The following MED26 variants were observed in gnomAD, a reference collection of about 807,000 sequenced individuals.
MED26 encodes the protein mediator complex subunit 26, also known as mediator of RNA polymerase II transcription subunit 26.
Under a neutral mutation model 43.7 loss-of-function variants are expected in MED26, and 7 were observed. The observed-to-expected ratio is 0.16, with a 90% CI of 0.09 to 0.30. The LOEUF (loss-of-function observed/expected upper bound fraction) is 0.30. Ranked by LOEUF, MED26 falls within the 10% of genes least tolerant of loss-of-function variation. MED26 has a pLI of 1.00. For missense variants in MED26, 784 were observed against 840.6 expected (o/e 0.93, Z 0.83); for synonymous variants, 375 against 371.1 (o/e 1.01, Z -0.12).
intron 1 of MED26, chr19:16,597,522 T>C: frequency 2.5e-6 from 1 of 398,432 alleles, no homozygotes; most frequent in Non-Finnish European, 4.4e-6. Flanking sequence ...TGGGTGAGCA[T>C]CAGGTTAAGT....
At chr19:16,606,090 C>T (rs2086171895) in intron 1 of MED26, among the ~76,000 whole-genome samples, 1 of 152,220 alleles carries the variant, frequency 6.6e-6, no homozygotes, top group Non-Finnish European at 1.5e-5. Context: ...GTAGCTCTAC[C>T]TCGCCCTTAG....
chr19:16,622,573 C>T (rs1403006788), intron 1 of MED26, among the ~76,000 whole-genome samples: 5 of 152,198 alleles, frequency 3.3e-5, no homozygotes, highest in African/African-American at 7.2e-5. Context: ...GAGTGAAAAG[C>T]GGCTGTTTTG....
intron 1 of MED26, chr19:16,597,458 A>G: frequency 2.5e-6 from 1 of 398,638 alleles, no homozygotes; most frequent in Non-Finnish European, 4.4e-6. Context: ...CACTTCCTAA[A>G]CAGGTAACAT....
chr19:16,628,023 G>A lies in MED26; in HGVS notation c.-80C>T, dbSNP rs1412740195. 1.1e-6 allele frequency: 1 copy of A among 891,966 alleles called. No homozygotes were observed. Among genetic ancestry groups the A allele is most frequent in the Non-Finnish European group, 1.5e-6 (1 of 652,006 alleles). 55.3% of individuals were successfully genotyped at this position (891,966 alleles called of 1,614,324 possible). On this transcript the variant is annotated 5_prime_UTR_variant, in exon 1 of 3. Transcript: ENST00000263390. Reference sequence around the variant, plus strand: ...GGGGGACGGGGGTCACTCACTCGCCGGCCTCCGGGAGCCGGAGCCGCATGT... The same window carrying A: ...GGGGGACGGGGGTCACTCACTCGCCAGCCTCCGGGAGCCGGAGCCGCATGT...
In MED26 at chr19:16,621,456, C is replaced by T. The variant is rs545627293; in HGVS notation, c.72+6416G>A. On this transcript the variant is annotated intron_variant, in intron 1 of 2. Coordinates refer to ENST00000263390, the MANE Select transcript of MED26 (RefSeq NM_004831.5). ...CTGCATGCAGGGGAAACCTGATGAG[C>T]CCCCTGACGTTTTCCAAGATTCATT... Among the ~76,000 whole-genome samples, 3 of 152,304 alleles carry T rather than the reference C, an allele frequency of 2.0e-5. No homozygotes were observed. The East Asian group carries it at 5.8e-4, about 29-fold the overall frequency.
chr19:16,577,293 G>T lies in MED26; in HGVS notation c.537C>A (p.Pro179=). Reference sequence around the variant, plus strand: ...TCCCACTGATCCCGTTGGTGGGGAGGGGGGATGAGTTGGGGACCAGGGGGT... The same window carrying T: ...TCCCACTGATCCCGTTGGTGGGGAGTGGGGATGAGTTGGGGACCAGGGGGT... ...SHDPLVPNSS[P]LPTNGISGSP... Residue 179 remains proline (P), a synonymous_variant, in exon 3 of 3, where the codon CCC becomes CCA. Transcript: ENST00000263390. The surrounding 1 kb of genome is among the most constrained non-coding windows in gnomAD (Gnocchi z 8.1). 12 of 1,611,838 alleles carry T rather than the reference G, an allele frequency of 7.4e-6. No homozygotes were observed. The highest frequency in any genetic ancestry group is 1.0e-5 in the Non-Finnish European group (12 of 1,178,838).
chr19:16,599,964 G>A (rs1203250947), intron 1 of MED26, among the ~76,000 whole-genome samples: 1 of 152,178 alleles, frequency 6.6e-6, no homozygotes, highest in Non-Finnish European at 1.5e-5. Context: ...AGCCTCAAAA[G>A]TTAGACCTAG....
chr19:16,590,599 A>C (rs1246962597), intron 1 of MED26, among the ~76,000 whole-genome samples: 1 of 152,218 alleles, frequency 6.6e-6, no homozygotes, highest in Non-Finnish European at 1.5e-5. Flanking sequence ...TTCAAATGTT[A>C]TCTGCCTCCC....
At chr19:16,615,629 C>T (rs750679546) in intron 1 of MED26, among the ~76,000 whole-genome samples, 3 of 152,032 alleles carry the variant, frequency 2.0e-5, no homozygotes, top group Non-Finnish European at 4.4e-5. Context: ...GCCTGTAATC[C>T]CAGCAACTTG....
chr19:16,577,577 C>T lies in MED26; in HGVS notation c.253G>A (p.Glu85Lys), dbSNP rs767277361. ...GCCGCCTCATGCTGGTGTGCCGGCT[C>T]GATGAGCTTCTGCCAGCTCCGCAGC... Reference protein sequence around the residue: ...KLLRSWQKLIEPAHQHEAALR... With the variant: ...KLLRSWQKLIKPAHQHEAALR... Residue 85 changes from glutamate to lysine, a missense_variant, in exon 3 of 3, where the codon GAG (glutamate) becomes AAG (lysine). This residue lies in a region of MED26 where 719 missense variants were observed against 730.9 expected (regional missense o/e 0.98). Transcript: ENST00000263390. The surrounding 1 kb of genome is among the most constrained non-coding windows in gnomAD (Gnocchi z 8.1). 3 of 1,609,830 alleles carry T rather than the reference C, an allele frequency of 1.9e-6. No individual in the cohort carries two copies. Among genetic ancestry groups the T allele is most frequent in the Non-Finnish European group, 2.5e-6 (3 of 1,177,080 alleles).
At chr19:16,625,624 GGA>G (rs1484694241) in intron 1 of MED26, among the ~76,000 whole-genome samples, 1 of 152,006 alleles carries the variant, frequency 6.6e-6, no homozygotes, top group African/African-American at 2.4e-5. Flanking sequence ...AGGGCAGAGA[GGA>G]GAGAGCGGCA....
rs202178044 is a variant in MED26 at position 16,577,253 on chromosome 19, C to A, written c.577G>T (p.Ala193Ser). 1.9e-6 allele frequency: 3 copies of A among 1,613,060 alleles called. No homozygotes were observed. Among genetic ancestry groups the A allele is most frequent in the Non-Finnish European group, 8.5e-7 (1 of 1,179,822 alleles). The change falls in exon 3 of 3, where the codon GCC becomes TCC. Residue 193 changes from alanine to serine, a missense_variant. Physicochemically the swap from Ala to Ser is moderately conservative, Grantham distance 99. Transcript: ENST00000263390. The surrounding 1 kb of genome is among the most constrained non-coding windows in gnomAD (Gnocchi z 8.1). Reference protein sequence around the residue: ...NGISGSPESFASSLDGSGHAG... With the variant: ...NGISGSPESFSSSLDGSGHAG... ...TGCCCACTGCCATCCAGGGAGCTGG[C>A]GAAGCTCTCTGGACTCCCACTGATC...
rs1388477926 is a variant in MED26, at chr19:16,602,902, TG to T, written c.73-24494del. ...CAAGATGAAGAGTCCTGGAGACAGA[TG>T]GTGATCATGACCACACAACCATGTG... On this transcript the variant is annotated intron_variant, in intron 1 of 2. Coordinates refer to ENST00000263390, the MANE Select transcript of MED26 (RefSeq NM_004831.5). Among the ~76,000 whole-genome samples, 16 of 152,230 alleles carry T rather than the reference TG, an allele frequency of 1.1e-4. 1 individual carries two copies. The highest frequency in any genetic ancestry group is 9.8e-4 in the Admixed American group (15 of 15,286).
Position 16,586,318 on chromosome 19 carries a change from A to G in MED26, c.73-7909T>C, listed in dbSNP as rs1018468060. ...GGAAGGTAATGGAGGTCCCGGGTAG[A>G]CCACACAGCTAGAAGATGGTGAGGC... On this transcript the variant is annotated intron_variant, in intron 1 of 2. Transcript: ENST00000263390. This position sits in a 1 kb window ranked among gnomAD's most constrained non-coding sequence, Gnocchi z 5.1. Among the ~76,000 whole-genome samples, 1 of 152,192 alleles carries G rather than the reference A, an allele frequency of 6.6e-6. No individual in the cohort carries two copies. The highest frequency in any genetic ancestry group is 2.4e-5 in the African/African-American group (1 of 41,450).
At chr19:16,609,359 C>T (rs1208955398) in intron 1 of MED26, among the ~76,000 whole-genome samples, 1 of 141,422 alleles carries the variant, frequency 7.1e-6, no homozygotes, top group Non-Finnish European at 1.5e-5. Context: ...AGATATTAAC[C>T]AAAGTCATGT....
At chr19:16,608,035 G>A (rs1160305548) in intron 1 of MED26, among the ~76,000 whole-genome samples, 1 of 152,250 alleles carries the variant, frequency 6.6e-6, no homozygotes, top group East Asian at 1.9e-4. Flanking sequence ...AGGCCAAGGG[G>A]CACCAGGGCC....
intron 1 of MED26, among the ~76,000 whole-genome samples, chr19:16,582,624 C>T (rs141398801): frequency 6.6e-6 from 1 of 152,184 alleles, no homozygotes; most frequent in Non-Finnish European, 1.5e-5. Flanking sequence ...TCGTATGTGG[C>T]TGAGGGGAGG....
rs569430251 is a variant in MED26 at position 16,586,342 on chromosome 19, G to A, written c.73-7933C>T. ...GACCACACAGCTAGAAGATGGTGAG[G>A]CCTGGCCTTCCACTAGCCTGACATG... is the stretch of plus-strand genomic sequence containing the variant. On this transcript the variant is annotated intron_variant, in intron 1 of 2. Transcript: ENST00000263390. This position sits in a 1 kb window ranked among gnomAD's most constrained non-coding sequence, Gnocchi z 5.1. 6.6e-6 allele frequency among the ~76,000 whole-genome samples: 1 copy of A among 152,346 alleles called. No individual in the cohort carries two copies. The highest frequency in any genetic ancestry group is 2.1e-4 in the South Asian group (1 of 4,832).
intron 1 of MED26, among the ~76,000 whole-genome samples, chr19:16,615,010 T>C (rs2086217305): frequency 6.6e-6 from 1 of 151,646 alleles, no homozygotes; most frequent in Non-Finnish European, 1.5e-5. Flanking sequence ...AACTGGTCAC[T>C]GGCCCTAACA....
Sources: allele counts gnomAD v4.1 joint callset (sites outside exome capture counted in the v4.1 genomes callset), GRCh38; gene constraint gnomAD v4.1.1; regional missense constraint gnomAD v4.1.1; non-coding constraint Gnocchi (gnomAD v3.1); transcripts MANE v1.5; gene names NCBI Gene and HGNC (gene_info 2026-07-23, HGNC 2026-07-21).